Variants in GZMH observed in about 807,000 individuals in gnomAD.
The protein encoded by GZMH is granzyme H.
GZMH carries 24 observed loss-of-function variants against 20.7 expected under a neutral mutation model. That is an observed-to-expected ratio of 1.16 (90% CI 0.84 to 1.63). The LOEUF is 1.63. Ranked by LOEUF, GZMH falls within the 40% of genes most tolerant of loss-of-function variation. The pLI is 0.00. For missense variants in GZMH, 344 were observed against 302.7 expected (o/e 1.14, Z -1.01); for synonymous variants, 119 against 116.1 (o/e 1.02, Z -0.16).
rs369721879 is a variant in GZMH at position 24,606,583 on chromosome 14, G to T, written c.*20C>A. 6 of 1,609,434 alleles carry T rather than the reference G, an allele frequency of 3.7e-6. No homozygotes were observed. Among genetic ancestry groups the T allele is most frequent in the Non-Finnish European group, 5.1e-6 (6 of 1,178,148 alleles). ...CCAGAGATGGTCAGGCCCAGAGGAAGGTTAGTCTCATGCCTGCTGTTAGAG... is the reference window on the plus strand; with the variant it reads ...CCAGAGATGGTCAGGCCCAGAGGAATGTTAGTCTCATGCCTGCTGTTAGAG... On this transcript the variant is annotated 3_prime_UTR_variant, in exon 5 of 5. Coordinates refer to ENST00000216338, the MANE Select transcript of GZMH (RefSeq NM_033423.5).
In GZMH at chr14:24,607,606, C is replaced by T; in HGVS notation, c.339+6G>A. On this transcript the variant is annotated splice_donor_region_variant and intron_variant, in intron 3 of 4. Coordinates refer to ENST00000216338, the MANE Select transcript of GZMH (RefSeq NM_033423.5). Reference sequence around the variant, plus strand: ...GAAGAGCAAGAGTGGCAGGAGTGTGCCTCACCTGCAGTAGCATGATGTCGT... The same window carrying T: ...GAAGAGCAAGAGTGGCAGGAGTGTGTCTCACCTGCAGTAGCATGATGTCGT... 1 of 1,612,060 alleles carries T rather than the reference C, an allele frequency of 6.2e-7. No individual in the cohort carries two copies.
Position 24,608,284 on chromosome 14 carries a change from C to A in GZMH, c.184G>T (p.Ala62Ser). 2 of 1,614,172 alleles carry A rather than the reference C, an allele frequency of 1.2e-6. No individual in the cohort carries two copies. Among genetic ancestry groups the A allele is most frequent in the Non-Finnish European group, 1.7e-6 (2 of 1,180,014 alleles). The stretch of plus-strand genomic sequence containing the variant: ...CCTTACCTTCCCTGGCAGTGAGCAG[C>A]TGTCAGCACAAAGTCCTTTCTCACT... ...ILVRKDFVLT[A>S]AHCQGSSINV... Residue 62 changes from alanine to serine, a missense_variant, in exon 2 of 5, where the codon GCT becomes TCT. Transcript: ENST00000216338.
At chr14:24,609,026 G>T (rs1044750343) in intron 1 of GZMH, among the ~76,000 whole-genome samples, 4 of 152,220 alleles carry the variant, frequency 2.6e-5, no homozygotes, top group African/African-American at 9.7e-5. Flanking sequence ...AAAGGCAGAA[G>T]GAAGTGGAGA....
intron 2 of GZMH, 57 bp from the exon 3 acceptor site, chr14:24,607,804 G>A (rs2066882745): frequency 6.2e-7 from 1 of 1,611,148 alleles, no homozygotes; most frequent in African/African-American, 1.3e-5. Flanking sequence ...GAGCCCAGGA[G>A]CAGTGAAGAG....
At chr14:24,608,145 T>C in intron 2 of GZMH, 120 bp downstream of exon 2, 1 of 1,084,520 alleles carries the variant, frequency 9.2e-7, no homozygotes, top group Non-Finnish European at 1.4e-6. Flanking sequence ...GCTGCTCCGA[T>C]GAGCTTTCAT....
chr14:24,607,173 T>C lies in GZMH; in HGVS notation c.573A>G (p.Pro191=). 6.2e-7 allele frequency: 1 copy of C among 1,613,706 alleles called. No individual in the cohort carries two copies. The highest frequency in any genetic ancestry group is 8.5e-7 in the Non-Finnish European group (1 of 1,179,736). ...CCTTGAAACCGGTCTGTGTCTTCTT[T>C]GGATCCCCCACACAAATCTCAGTGG... ...SRATEICVGD[P]KKTQTGFKGD... is the part of the protein sequence containing the mutation. Residue 191 remains proline (P), a synonymous_variant, in exon 4 of 5, where the codon CCA becomes CCG. Coordinates refer to ENST00000216338, the MANE Select transcript of GZMH (RefSeq NM_033423.5).
Position 24,608,389 on chromosome 14 carries a change from C to T in GZMH, c.79G>A (p.Ala27Thr). The change falls in exon 2 of 5, where the codon GCC (alanine) becomes ACC (threonine). Residue 27 changes from alanine to threonine, a missense_variant. Coordinates refer to ENST00000216338, the MANE Select transcript of GZMH (RefSeq NM_033423.5). ...GTEEIIGGHE[A>T]KPHSRPYMAF... Reference sequence around the variant, plus strand: ...ATGTAGGGGCGGGAGTGGGGCTTGGCCTCATGGCCCCCGATGATCTCCTCT... The same window carrying T: ...ATGTAGGGGCGGGAGTGGGGCTTGGTCTCATGGCCCCCGATGATCTCCTCT... 6.2e-7 allele frequency: 1 copy of T among 1,614,052 alleles called. No individual in the cohort carries two copies. The highest frequency in any genetic ancestry group is 8.5e-7 in the Non-Finnish European group (1 of 1,179,958).
Position 24,606,508 on chromosome 14 carries a change from A to G in GZMH, c.*95T>C, listed in dbSNP as rs1358482991. Reference sequence around the variant, plus strand: ...TATTTACACCAGAGATCCATTTATTACAGTCCTGCAACCCCGACTGCCCAC... The same window carrying G: ...TATTTACACCAGAGATCCATTTATTGCAGTCCTGCAACCCCGACTGCCCAC... On this transcript the variant is annotated 3_prime_UTR_variant, in exon 5 of 5. Coordinates refer to ENST00000216338, the MANE Select transcript of GZMH (RefSeq NM_033423.5). The G allele has an allele frequency of 9.5e-7, 1 of 1,049,098 alleles. No individual in the cohort carries two copies. The highest frequency in any genetic ancestry group is 2.3e-5 in the Admixed American group (1 of 44,214). The allele number at this position is 1,049,098 out of a possible 1,614,324, so 65.0% of individuals were successfully genotyped here.
chr14:24,608,822 T>C (rs1368018753), intron 1 of GZMH, among the ~76,000 whole-genome samples: 1 of 152,230 alleles, frequency 6.6e-6, no homozygotes. Flanking sequence ...CTTCTGGAGT[T>C]GGATTTTCTA....
At position 24,608,322 on chromosome 14, in the gene GZMH, C is replaced by T; in HGVS notation, c.146G>A (p.Cys49Tyr). 1 of 1,614,218 alleles carries T rather than the reference C, an allele frequency of 6.2e-7. No individual in the cohort carries two copies. Among genetic ancestry groups the T allele is most frequent in the East Asian group, 2.2e-5 (1 of 44,886 alleles). Residue 49 changes from cysteine (C) to tyrosine (Y), a missense_variant, in exon 2 of 5, where the codon TGT (cysteine) becomes TAT (tyrosine). Cys to Tyr is a radical substitution (Grantham distance 194). Coordinates refer to ENST00000216338, the MANE Select transcript of GZMH (RefSeq NM_033423.5). ...GTCCTTTCTCACTAGGATGCCGCCA[C>T]ACCTCTTCCGACTCTTCTCTTGCAG... ...QFLQEKSRKR[C>Y]GGILVRKDFV...
In GZMH at chr14:24,608,289, A is replaced by G; in HGVS notation, c.179T>C (p.Leu60Pro). 1 of 1,614,200 alleles carries G rather than the reference A, an allele frequency of 6.2e-7. No homozygotes were observed. Among genetic ancestry groups the G allele is most frequent in the Non-Finnish European group, 8.5e-7 (1 of 1,180,032 alleles). The change falls in exon 2 of 5, where the codon CTG (leucine) becomes CCG (proline). Residue 60 changes from leucine to proline, a missense_variant. Transcript: ENST00000216338. ...CCTTCCCTGGCAGTGAGCAGCTGTCAGCACAAAGTCCTTTCTCACTAGGAT... is the reference window on the plus strand; with the variant it reads ...CCTTCCCTGGCAGTGAGCAGCTGTCGGCACAAAGTCCTTTCTCACTAGGAT... The part of the protein sequence containing the change: ...GGILVRKDFV[L>P]TAAHCQGSSI...
rs910388742 is a variant in GZMH at position 24,609,473 on chromosome 14, T to C, written c.55+86A>G. 7.5e-6 allele frequency: 6 copies of C among 805,240 alleles called. No individual in the cohort carries two copies. In the Admixed American group the frequency reaches 1.3e-4, roughly 18 times the overall value. The allele number at this position is 805,240 out of a possible 1,614,324, so 49.9% of individuals were successfully genotyped here. A position where few individuals can be genotyped will look rare whatever the true frequency, so the allele number is the denominator to read the frequency against. On this transcript the variant is annotated intron_variant, in intron 1 of 4. Coordinates refer to ENST00000216338, the MANE Select transcript of GZMH (RefSeq NM_033423.5). Reference sequence around the variant, plus strand: ...GTGTGGAATGGGAGGTGGGCTCAGATTGAGGAAAATTCCTGACCAGTGCTC... The same window carrying C: ...GTGTGGAATGGGAGGTGGGCTCAGACTGAGGAAAATTCCTGACCAGTGCTC...
chr14:24,606,756 G>A lies in GZMH; in HGVS notation c.598-10C>T. On this transcript the variant is annotated splice_polypyrimidine_tract_variant and intron_variant, in intron 4 of 4. Coordinates refer to ENST00000216338, the MANE Select transcript of GZMH (RefSeq NM_033423.5). ...GCCCCCCGGAGTCCCCCTGTGAACA[G>A]AGAGAGGAAAGACTGAGCTAGTGTT... 6.2e-7 allele frequency: 1 copy of A among 1,611,276 alleles called. No homozygotes were observed. The highest frequency in any genetic ancestry group is 1.1e-5 in the South Asian group (1 of 90,814).
At position 24,606,656 on chromosome 14, in the gene GZMH, T is replaced by C. The variant is rs1442182509; in HGVS notation, c.688A>G (p.Ile230Val). 2.5e-6 allele frequency: 4 copies of C among 1,614,072 alleles called. No individual in the cohort carries two copies. The highest frequency in any genetic ancestry group is 1.6e-4 in the Middle Eastern group (1 of 6,062). Reference protein sequence around the residue: ...NKKGTPPGVYIKVSHFLPWIK... With the variant: ...NKKGTPPGVYVKVSHFLPWIK... ...CAGGGCAGGAAGTGTGAGACCTTGATGTAGACTCCTGGAGGTGTCCCTTTT... is the reference window on the plus strand; with the variant it reads ...CAGGGCAGGAAGTGTGAGACCTTGACGTAGACTCCTGGAGGTGTCCCTTTT... Residue 230 changes from isoleucine to valine, a missense_variant, in exon 5 of 5, where the codon ATC becomes GTC. Physicochemically the swap from Ile to Val is conservative, Grantham distance 29. Transcript: ENST00000216338.
At chr14:24,609,035 G>T (rs1363929066) in intron 1 of GZMH, among the ~76,000 whole-genome samples, 4 of 152,248 alleles carry the variant, frequency 2.6e-5, no homozygotes, top group African/African-American at 9.6e-5. Flanking sequence ...AGGAAGTGGA[G>T]AAATCAACTA....
At chr14:24,606,778 T>A in intron 4 of GZMH, 32 bp from the exon 5 acceptor site, 2 of 1,604,420 alleles carry the variant, frequency 1.2e-6, no homozygotes, top group Non-Finnish European at 1.7e-6. Context: ...ACTGAGCTAG[T>A]GTTCCCTGGG....
At chr14:24,608,651 A>G (rs1056581544) in intron 1 of GZMH, among the ~76,000 whole-genome samples, 1 of 152,196 alleles carries the variant, frequency 6.6e-6, no homozygotes, top group Non-Finnish European at 1.5e-5. Flanking sequence ...CTACTGCAGA[A>G]ACACACATGG....
intron 2 of GZMH, 70 bp downstream of exon 2, chr14:24,608,194 CT>C: frequency 6.5e-7 from 1 of 1,530,056 alleles, no homozygotes; most frequent in Non-Finnish European, 9.0e-7. Flanking sequence ...CTCCCCTGGG[CT>C]GCAGTCCCCA....
At position 24,607,730 on chromosome 14, in the gene GZMH, A is replaced by C. The variant is rs776100201; in HGVS notation, c.221T>G (p.Leu74Trp). Residue 74 changes from leucine to tryptophan, a missense_variant, in exon 3 of 5, where the codon TTG becomes TGG. Transcript: ENST00000216338. ...HCQGSSINVT[L>W]GAHNIKEQER... The stretch of plus-strand genomic sequence containing the variant: ...CTGTTCCTTGATATTGTGGGCCCCC[A>C]AGGTGACATTTATGGAGCTGCACAG... 5.0e-6 allele frequency: 8 copies of C among 1,614,102 alleles called. No homozygotes were observed. The East Asian group carries it at 1.8e-4, about 36-fold the overall frequency.
Sources: gnomAD v4.1 joint callset for allele counts (sites outside exome capture counted in the v4.1 genomes callset) on GRCh38, gnomAD v4.1.1 for gene constraint, MANE v1.5 for transcripts, NCBI Gene and HGNC (gene_info 2026-07-23, HGNC 2026-07-21) for gene names.